SPTLC1: variants seen among roughly 807,000 people sequenced by gnomAD.
SPTLC1 encodes the protein serine palmitoyltransferase long chain base subunit 1.
A neutral mutation model predicts 68.9 loss-of-function variants in SPTLC1; 55 were observed. The observed-to-expected ratio is 0.80, with a 90% confidence interval of 0.64 to 1.00. The LOEUF is 1.00. Ranked by LOEUF, SPTLC1 falls within the 50% of genes least tolerant of loss-of-function variation. The pLI, the probability that SPTLC1 is intolerant of heterozygous loss-of-function variation, is 0.00. For missense variants in SPTLC1, 449 were observed against 573.1 expected (o/e 0.78, Z 2.21); for synonymous variants, 197 against 201.6 (o/e 0.98, Z 0.19).
Position 92,060,030 on chromosome 9 carries a change from T to G in SPTLC1, c.561-722A>C, listed in dbSNP as rs1053332641. ...GGGAGTAGTGGGCACCCTCCCCATCTCCTCCTGGGCAGTGTCACAGGAGGG... is the reference window on the plus strand; with the variant it reads ...GGGAGTAGTGGGCACCCTCCCCATCGCCTCCTGGGCAGTGTCACAGGAGGG... On this transcript the variant is annotated intron_variant, in intron 6 of 14. Coordinates refer to ENST00000262554, the MANE Select transcript of SPTLC1 (RefSeq NM_006415.4). 1.8e-4 allele frequency among the ~76,000 whole-genome samples: 27 copies of G among 152,166 alleles called. 1 individual carries two copies. Among genetic ancestry groups the G allele is most frequent in the Non-Finnish European group, 1.6e-4 (11 of 67,980 alleles).
intron 5 of SPTLC1, among the ~76,000 whole-genome samples, chr9:92,075,814 T>C (rs1232245097): frequency 1.3e-5 from 2 of 152,220 alleles, no homozygotes; most frequent in Non-Finnish European, 2.9e-5. Flanking sequence ...CCATTGCCTT[T>C]GGACAGGACT....
intron 3 of SPTLC1, among the ~76,000 whole-genome samples, chr9:92,091,191 C>T (rs1835349096): frequency 6.6e-6 from 1 of 152,222 alleles, no homozygotes; most frequent in African/African-American, 2.4e-5. Flanking sequence ...ATTTCCCACA[C>T]ATAATACATA....
chr9:92,047,513 T>G lies in SPTLC1; in HGVS notation c.984+100A>C, dbSNP rs951031956. On this transcript the variant is annotated intron_variant, in intron 10 of 14. Transcript: ENST00000262554. Reference sequence around the variant, plus strand: ...AATTGACATTTAAATAAAAATTGTGTGATAAACTAAGTAAAATTTCGTATT... The same window carrying G: ...AATTGACATTTAAATAAAAATTGTGGGATAAACTAAGTAAAATTTCGTATT... 1.1e-5 allele frequency: 9 copies of G among 822,466 alleles called. No homozygotes were observed. In the East Asian group the frequency reaches 2.4e-4, roughly 22 times the overall value. 50.9% of individuals were successfully genotyped at this position (822,466 alleles called of 1,614,324 possible). A position where few individuals can be genotyped will look rare whatever the true frequency, so the allele number is the denominator to read the frequency against.
intron 6 of SPTLC1, among the ~76,000 whole-genome samples, chr9:92,064,670 CTTTTT>C (rs565437159): frequency 6.6e-6 from 1 of 151,574 alleles, no homozygotes; most frequent in East Asian, 1.9e-4. Context: ...TTTAGAGCAG[CTTTTT>C]TTTTATAACA....
In SPTLC1 at chr9:92,050,413, G is replaced by A. The variant is rs1391091220; in HGVS notation, c.781-346C>T. On this transcript the variant is annotated intron_variant, in intron 8 of 14. Coordinates refer to ENST00000262554, the MANE Select transcript of SPTLC1 (RefSeq NM_006415.4). ...ACTTTTTTGGACTTCTGTGCTTTTT[G>A]TTGGTGATTTTGCTATTTAGAGTCG... The A allele has an allele frequency of 2.0e-5, 6 of 302,738 alleles. No homozygotes were observed. In the Admixed American group the frequency reaches 2.8e-4, roughly 14 times the overall value. 18.8% of individuals were successfully genotyped at this position (302,738 alleles called of 1,614,324 possible). A position where few individuals can be genotyped will look rare whatever the true frequency, so the allele number is the denominator to read the frequency against.
intron 3 of SPTLC1, chr9:92,105,290 T>A: frequency 6.5e-7 from 1 of 1,534,224 alleles, no homozygotes; most frequent in East Asian, 2.4e-5. Flanking sequence ...TGAGGCACTG[T>A]TGGTGGGTCA....
At chr9:92,114,239 G>A (rs1836351779) in intron 1 of SPTLC1, among the ~76,000 whole-genome samples, 1 of 152,134 alleles carries the variant, frequency 6.6e-6, no homozygotes, top group South Asian at 2.1e-4. Flanking sequence ...CTGCACTCTA[G>A]CCTGGGCGAC....
In SPTLC1 at chr9:92,060,912, C is replaced by CAA. The variant is rs200973343; in HGVS notation, c.561-1606_561-1605dup. On this transcript the variant is annotated intron_variant, in intron 6 of 14. Coordinates refer to ENST00000262554, the MANE Select transcript of SPTLC1 (RefSeq NM_006415.4). ...TGGGTGACAGAGCGAGACTCTGTCT[C>CAA]AAAAAAAAAAAAAACAAAGAAAAAA... 9.7e-4 allele frequency among the ~76,000 whole-genome samples: 102 copies of CAA among 104,856 alleles called. 1 individual carries two copies. Among genetic ancestry groups the CAA allele is most frequent in the South Asian group, 4.3e-3 (13 of 3,036 alleles). The allele number at this position is 104,856 out of a possible 152,430, so 68.8% of individuals were successfully genotyped here.
intron 4 of SPTLC1, 53 bp downstream of exon 4, chr9:92,080,817 G>C: frequency 6.9e-7 from 1 of 1,443,876 alleles, no homozygotes; most frequent in South Asian, 1.1e-5. Context: ...TTTATGTCTA[G>C]TTTCTTAAAT....
chr9:92,060,962 G>A (rs1159828147), intron 6 of SPTLC1, among the ~76,000 whole-genome samples: 1 of 151,390 alleles, frequency 6.6e-6, no homozygotes, highest in Admixed American at 6.6e-5. Flanking sequence ...AGCACAACAG[G>A]AAGAAAATAG....
At chr9:92,037,807 G>C (rs1018820369) in intron 13 of SPTLC1, among the ~76,000 whole-genome samples, 2 of 152,204 alleles carry the variant, frequency 1.3e-5, no homozygotes, top group Non-Finnish European at 2.9e-5. Flanking sequence ...GGGTGACTGT[G>C]AGTGGACTGT....
Position 92,105,346 on chromosome 9 carries a change from G to A in SPTLC1, c.260+3394C>T, listed in dbSNP as rs140572530. 3,102 of 1,520,018 alleles carry A rather than the reference G, an allele frequency of 2.0e-3. 51 individuals carry two copies. In the African/African-American group the frequency reaches 0.038, roughly 19 times the overall value. The allele number at this position is 1,520,018 out of a possible 1,614,324, so 94.2% of individuals were successfully genotyped here. A position where few individuals can be genotyped will look rare whatever the true frequency, so the allele number is the denominator to read the frequency against. ...GCCTCCAGCAGGGCAACATGCGTAAGAACATGAGGTTGTTAAGTAGAACAT... is the reference window on the plus strand; with the variant it reads ...GCCTCCAGCAGGGCAACATGCGTAAAAACATGAGGTTGTTAAGTAGAACAT... On this transcript the variant is annotated intron_variant, in intron 3 of 14. Coordinates refer to ENST00000262554, the MANE Select transcript of SPTLC1 (RefSeq NM_006415.4).
chr9:92,093,657 T>C (rs1835442800), intron 3 of SPTLC1, among the ~76,000 whole-genome samples: 1 of 152,206 alleles, frequency 6.6e-6, no homozygotes, highest in South Asian at 2.1e-4. Context: ...TATACGATGG[T>C]CAGCTGAAGG....
intron 12 of SPTLC1, among the ~76,000 whole-genome samples, chr9:92,042,870 G>A (rs1160471117): frequency 6.6e-6 from 1 of 152,202 alleles, no homozygotes; most frequent in Non-Finnish European, 1.5e-5. Context: ...GTACAAATGG[G>A]AACCTGGTAT....
chr9:92,112,645 T>C, intron 1 of SPTLC1, 83 bp from the exon 2 acceptor site: 1 of 834,540 alleles, frequency 1.2e-6, no homozygotes, highest in Non-Finnish European at 2.0e-6. Context: ...CTGCATATAC[T>C]GCCTCCTGTG....
At chr9:92,079,523 G>A (rs368053636) in intron 5 of SPTLC1, 58 of 1,613,506 alleles carry the variant, frequency 3.6e-5, no homozygotes, top group Non-Finnish European at 4.7e-5. Flanking sequence ...GCCTGTTCCC[G>A]GATTATCCAT....
chr9:92,033,212 A>C (rs539882422), intron 14 of SPTLC1, among the ~76,000 whole-genome samples: 2 of 152,210 alleles, frequency 1.3e-5, no homozygotes, highest in Non-Finnish European at 2.9e-5. Flanking sequence ...TCCATCATGT[A>C]CTGCTTCAGG....
At chr9:92,059,061 C>T (rs1320556315) in intron 7 of SPTLC1, 118 bp downstream of exon 7, 4 of 1,220,352 alleles carry the variant, frequency 3.3e-6, no homozygotes, top group African/African-American at 3.0e-5. Context: ...AGCAGGAACA[C>T]CTTAATATCC....
At chr9:92,057,195 C>T (rs965255776) in intron 7 of SPTLC1, among the ~76,000 whole-genome samples, 1 of 152,192 alleles carries the variant, frequency 6.6e-6, no homozygotes, top group East Asian at 1.9e-4. Flanking sequence ...TTTCGGATTA[C>T]ATGATTTTAA....
Sources: allele counts gnomAD v4.1 joint callset (sites outside exome capture counted in the v4.1 genomes callset), GRCh38; gene constraint gnomAD v4.1.1; transcripts MANE v1.5; gene names NCBI Gene and HGNC (gene_info 2026-07-23, HGNC 2026-07-21).